Variants in PPARG observed in about 807,000 individuals in gnomAD.
PPARG encodes the protein peroxisome proliferator-activated receptor gamma.
PPARG carries 17 observed loss-of-function variants against 39.2 expected under a neutral mutation model. The observed-to-expected ratio is 0.43, with a 90% confidence interval of 0.30 to 0.65. The LOEUF is 0.65. Ranked by LOEUF, PPARG falls within the 30% of genes least tolerant of loss-of-function variation. The pLI, the probability that PPARG is intolerant of heterozygous loss-of-function variation, is 0.13. For synonymous variants in PPARG, 223 were observed against 215.7 expected, an observed-to-expected ratio of 1.03 and a Z score of -0.30; for missense variants, 406 against 585.9, an observed-to-expected ratio of 0.69 and a Z score of 3.17.
chr3:12,371,869 G>T (rs1483564971), intron 2 of PPARG: 5 of 696,072 alleles, frequency 7.2e-6, no homozygotes, highest in Non-Finnish European at 1.3e-5. Flanking sequence ...GATGATTCTT[G>T]TCTCTGGATG....
chr3:12,387,177 CAT>C (rs2049906798), intron 4 of PPARG, among the ~76,000 whole-genome samples: 1 of 152,158 alleles, frequency 6.6e-6, no homozygotes, highest in African/African-American at 2.4e-5. Context: ...CCATAATAAA[CAT>C]ATGTGTGCAT....
intron 5 of PPARG, 91 bp from the exon 6 acceptor site, chr3:12,405,788 TCTA>T (rs2050637617): frequency 7.6e-7 from 1 of 1,308,052 alleles, no homozygotes; most frequent in African/African-American, 1.5e-5. Flanking sequence ...GAGGAGGGCT[TCTA>T]CTGTGTGGGA....
At position 12,412,235 on chromosome 3, in the gene PPARG, G is replaced by A. The variant is rs190005074; in HGVS notation, c.730-4469G>A. Among the ~76,000 whole-genome samples, 4 of 152,032 alleles carry A rather than the reference G, an allele frequency of 2.6e-5. No individual in the cohort carries two copies. In the East Asian group the frequency reaches 7.7e-4, roughly 29 times the overall value. ...TCATGTTAAAATGCTGATGTTATTG[G>A]ATTTCTCAGGAACACTACTGTTCTA... On this transcript the variant is annotated intron_variant, in intron 6 of 7. Coordinates refer to ENST00000651735, the MANE Select transcript of PPARG (RefSeq NM_138711.6).
At chr3:12,331,364 T>C (rs1240760765) in intron 2 of PPARG, among the ~76,000 whole-genome samples, 1 of 152,130 alleles carries the variant, frequency 6.6e-6, no homozygotes, top group Admixed American at 6.6e-5. Context: ...AGAAGAACCA[T>C]GTTACAGATG....
intron 5 of PPARG, among the ~76,000 whole-genome samples, chr3:12,400,892 A>G (rs1020041526): frequency 6.6e-6 from 1 of 152,216 alleles, no homozygotes; most frequent in Admixed American, 6.5e-5. Flanking sequence ...TTAAAGCCAC[A>G]TAGCTAGTTT....
intron 6 of PPARG, among the ~76,000 whole-genome samples, chr3:12,407,386 C>T (rs773711123): frequency 5.3e-5 from 8 of 152,322 alleles, no homozygotes; most frequent in Middle Eastern, 6.8e-3. Context: ...TGGTCTTGAT[C>T]TCCTGACCTC....
At chr3:12,410,162 G>A (rs1224075665) in intron 6 of PPARG, among the ~76,000 whole-genome samples, 1 of 152,188 alleles carries the variant, frequency 6.6e-6, no homozygotes, top group Non-Finnish European at 1.5e-5. Flanking sequence ...CAATAGGATG[G>A]AACTGACTGT....
intron 4 of PPARG, among the ~76,000 whole-genome samples, chr3:12,389,060 G>A (rs2049976740): frequency 6.6e-6 from 1 of 152,092 alleles, no homozygotes; most frequent in Non-Finnish European, 1.5e-5. Flanking sequence ...AGGATTCATA[G>A]GATCTTTGAA....
chr3:12,347,450 G>GGATT (rs1442874811), intron 2 of PPARG, among the ~76,000 whole-genome samples: 2 of 152,178 alleles, frequency 1.3e-5, no homozygotes, highest in African/African-American at 4.8e-5. Flanking sequence ...CCAGGATACA[G>GGATT]GATTATTTGT....
At chr3:12,396,161 G>A (rs2938389) in intron 5 of PPARG, among the ~76,000 whole-genome samples, 82,264 of 151,466 alleles carry the variant, frequency 0.54, 23,038 homozygotes, top group African/African-American at 0.68. Flanking sequence ...TCGCTCTGTC[G>A]CCCAGTCTGG....
At chr3:12,358,388 C>G (rs1245704230) in intron 2 of PPARG, among the ~76,000 whole-genome samples, 1 of 152,218 alleles carries the variant, frequency 6.6e-6, no homozygotes, top group African/African-American at 2.4e-5. Context: ...CACGTCAGTT[C>G]TGTCTTCTTC....
intron 1 of PPARG, among the ~76,000 whole-genome samples, chr3:12,302,364 G>A (rs1403734007): frequency 6.6e-6 from 1 of 152,176 alleles, no homozygotes; most frequent in Non-Finnish European, 1.5e-5. Flanking sequence ...GAAAGGAAAG[G>A]GGGAGTGACT....
intron 7 of PPARG, among the ~76,000 whole-genome samples, chr3:12,433,645 C>T (rs2051745787): frequency 6.6e-6 from 1 of 152,140 alleles, no homozygotes; most frequent in Non-Finnish European, 1.5e-5. Context: ...CATGCTCCCT[C>T]AGCTGACCAC....
intron 1 of PPARG, among the ~76,000 whole-genome samples, chr3:12,294,742 A>G (rs757075619): frequency 2.6e-5 from 4 of 152,082 alleles, no homozygotes; most frequent in Non-Finnish European, 4.4e-5. Flanking sequence ...TAAAAATACA[A>G]ATTAGCTCGG....
At chr3:12,328,089 G>A (rs1350865431) in intron 2 of PPARG, 39 of 1,451,880 alleles carry the variant, frequency 2.7e-5, no homozygotes, top group Admixed American at 5.0e-5. Context: ...AGACTAACAT[G>A]TATGAAGGTG....
At chr3:12,370,790 G>A (rs1435464623) in intron 2 of PPARG, among the ~76,000 whole-genome samples, 5 of 152,072 alleles carry the variant, frequency 3.3e-5, no homozygotes, top group African/African-American at 9.7e-5. Flanking sequence ...TATTTTTAAA[G>A]GAACATTATT....
intron 7 of PPARG, among the ~76,000 whole-genome samples, chr3:12,426,158 C>T (rs1575153998): frequency 6.6e-6 from 1 of 152,028 alleles, no homozygotes; most frequent in Non-Finnish European, 1.5e-5. Context: ...TTATCCCGCT[C>T]CACCATCCTG....
intron 2 of PPARG, among the ~76,000 whole-genome samples, chr3:12,362,513 C>T (rs984000029): frequency 6.7e-6 from 1 of 148,716 alleles, no homozygotes; most frequent in Non-Finnish European, 1.5e-5. Context: ...AGTGAGACTT[C>T]GTCTCAAAAA....
intron 1 of PPARG, among the ~76,000 whole-genome samples, chr3:12,298,594 A>T (rs536766129): frequency 2.6e-5 from 4 of 152,130 alleles, no homozygotes; most frequent in Non-Finnish European, 4.4e-5. Context: ...TCCTAGAATA[A>T]TCTTTATCTT....
Sources: gnomAD v4.1 joint callset for allele counts (sites outside exome capture counted in the v4.1 genomes callset) on GRCh38, gnomAD v4.1.1 for gene constraint, MANE v1.5 for transcripts, NCBI Gene and HGNC (gene_info 2026-07-23, HGNC 2026-07-21) for gene names.